Variants in LHFPL6 observed in about 807,000 individuals in gnomAD.
LHFPL6 encodes the protein LHFPL tetraspan subfamily member 6 protein.
LHFPL6 carries 9 observed loss-of-function variants against 20.6 expected under a neutral mutation model. The observed-to-expected ratio is 0.44, with a 90% CI of 0.26 to 0.76. The LOEUF (loss-of-function observed/expected upper bound fraction) is 0.76, where lower values mean the gene tolerates loss of function less well. Among genes scored for constraint, LHFPL6 ranks in the 30% least tolerant of loss-of-function variants. The pLI is 0.20. For synonymous variants in LHFPL6, 105 were observed against 98.7 expected (o/e 1.06, Z -0.38); for missense variants, 218 against 253.5 (o/e 0.86, Z 0.95).
chr13:39,390,407 A>T (rs1870676392), intron 2 of LHFPL6, among the ~76,000 whole-genome samples: 1 of 151,896 alleles, frequency 6.6e-6, no homozygotes, highest in Non-Finnish European at 1.5e-5. Context: ...CTGAGGCAGG[A>T]GGATTGCTTA....
At chr13:39,450,010 A>C (rs181665543) in intron 2 of LHFPL6, among the ~76,000 whole-genome samples, 1 of 152,324 alleles carries the variant, frequency 6.6e-6, no homozygotes, top group Non-Finnish European at 1.5e-5. Flanking sequence ...CCAAGTCACA[A>C]AAGTCAAGCC....
At chr13:39,589,115 A>T (rs943902365) in intron 2 of LHFPL6, among the ~76,000 whole-genome samples, 7 of 151,514 alleles carry the variant, frequency 4.6e-5, no homozygotes, top group East Asian at 3.9e-4. Context: ...TACCAGATAA[A>T]TTTTTTTTTA....
intron 3 of LHFPL6, among the ~76,000 whole-genome samples, chr13:39,377,289 T>C (rs1870315258): frequency 6.6e-6 from 1 of 152,254 alleles, no homozygotes; most frequent in South Asian, 2.1e-4. Flanking sequence ...ATGAAAATTT[T>C]ATTTTAAACG....
At chr13:39,540,293 T>A (rs553309054) in intron 2 of LHFPL6, among the ~76,000 whole-genome samples, 5 of 152,304 alleles carry the variant, frequency 3.3e-5, no homozygotes, top group Admixed American at 3.3e-4. Context: ...AGTCTTCTAA[T>A]TATTTATGTA....
intron 2 of LHFPL6, among the ~76,000 whole-genome samples, chr13:39,436,547 T>C (rs1334801032): frequency 6.6e-6 from 1 of 152,222 alleles, no homozygotes; most frequent in Non-Finnish European, 1.5e-5. Flanking sequence ...GAGATACATA[T>C]TTCTTCTCCA....
At chr13:39,550,614 T>C (rs1871122227) in intron 2 of LHFPL6, among the ~76,000 whole-genome samples, 1 of 152,112 alleles carries the variant, frequency 6.6e-6, no homozygotes, top group South Asian at 2.1e-4. Flanking sequence ...TCCATTCCAC[T>C]TTTTAAATTG....
At chr13:39,571,723 A>C (rs2138530925) in intron 2 of LHFPL6, among the ~76,000 whole-genome samples, 1 of 152,338 alleles carries the variant, frequency 6.6e-6, no homozygotes, top group Middle Eastern at 3.4e-3. Context: ...CTGAGCTGCT[A>C]ACACACCGCT....
At chr13:39,529,630 G>A (rs7317222) in intron 2 of LHFPL6, among the ~76,000 whole-genome samples, 1 of 152,128 alleles carries the variant, frequency 6.6e-6, no homozygotes, top group Non-Finnish European at 1.5e-5. Context: ...AATAAACTTT[G>A]TTGGGCTGAT....
rs576517259 is a variant in LHFPL6 at position 39,501,030 on chromosome 13, C to G, written c.385+99802G>C. Among the ~76,000 whole-genome samples, 5 of 152,266 alleles carry G rather than the reference C, an allele frequency of 3.3e-5. No homozygotes were observed. In the South Asian group the frequency reaches 1.0e-3, roughly 32 times the overall value. On this transcript the variant is annotated intron_variant, in intron 2 of 3. Coordinates refer to ENST00000379589, the MANE Select transcript of LHFPL6 (RefSeq NM_005780.3). ...AACACATTCCCAAGTGATGTTGATG[C>G]TCTCCTTTGGGGACCACTGCCCTGG...
intron 2 of LHFPL6, among the ~76,000 whole-genome samples, chr13:39,417,548 A>C (rs1472952429): frequency 1.3e-5 from 2 of 152,330 alleles, no homozygotes; most frequent in East Asian, 3.9e-4. Context: ...AGTCACATCA[A>C]GGACCAATTT....
chr13:39,564,539 C>T, intron 2 of LHFPL6, among the ~76,000 whole-genome samples: 1 of 152,078 alleles, frequency 6.6e-6, no homozygotes, highest in East Asian at 1.9e-4. Context: ...CCACCCGTAG[C>T]CACCATACCC....
At chr13:39,469,113 T>C (rs955023222) in intron 2 of LHFPL6, among the ~76,000 whole-genome samples, 1 of 152,192 alleles carries the variant, frequency 6.6e-6, no homozygotes, top group African/African-American at 2.4e-5. Context: ...CTTAACTCTC[T>C]TGCCAGTAGA....
chr13:39,537,632 T>A (rs1358518112), intron 2 of LHFPL6, among the ~76,000 whole-genome samples: 1 of 152,220 alleles, frequency 6.6e-6, no homozygotes, highest in Non-Finnish European at 1.5e-5. Flanking sequence ...TGTCTCATTA[T>A]CAAGCTTTAC....
intron 3 of LHFPL6, among the ~76,000 whole-genome samples, chr13:39,349,371 A>G (rs538987062): frequency 2.0e-5 from 3 of 152,316 alleles, no homozygotes; most frequent in South Asian, 2.1e-4. Flanking sequence ...AAGGTGTGTC[A>G]ATAGAATTTA....
At chr13:39,522,482 G>A (rs905456311) in intron 2 of LHFPL6, among the ~76,000 whole-genome samples, 2 of 152,182 alleles carry the variant, frequency 1.3e-5, no homozygotes, top group African/African-American at 4.8e-5. Flanking sequence ...ATGCTGTGGT[G>A]ATAGCCAATA....
chr13:39,488,311 T>C (rs967025587), intron 2 of LHFPL6, among the ~76,000 whole-genome samples: 1 of 152,214 alleles, frequency 6.6e-6, no homozygotes, highest in Non-Finnish European at 1.5e-5. Flanking sequence ...ATTTTTGTTA[T>C]AGCAATCCAA....
At chr13:39,363,505 C>T (rs935972599) in intron 3 of LHFPL6, among the ~76,000 whole-genome samples, 2 of 152,102 alleles carry the variant, frequency 1.3e-5, no homozygotes, top group African/African-American at 2.4e-5. Flanking sequence ...GGCAGTGTTC[C>T]CATAAAATTT....
chr13:39,390,479 G>A (rs913056127), intron 2 of LHFPL6, among the ~76,000 whole-genome samples: 2 of 151,678 alleles, frequency 1.3e-5, no homozygotes, highest in African/African-American at 4.8e-5. Flanking sequence ...GCCTGGGAGA[G>A]AGAATGAGAC....
intron 2 of LHFPL6, among the ~76,000 whole-genome samples, chr13:39,384,838 G>A (rs890852504): frequency 6.6e-6 from 1 of 152,016 alleles, no homozygotes; most frequent in South Asian, 2.1e-4. Context: ...CTTTGTCACC[G>A]CCATAAAAGA....
Sources: allele counts gnomAD v4.1 joint callset (sites outside exome capture counted in the v4.1 genomes callset), GRCh38; gene constraint gnomAD v4.1.1; transcripts MANE v1.5; gene names NCBI Gene and HGNC (gene_info 2026-07-23, HGNC 2026-07-21).